Variants in BMP2K observed in about 807,000 individuals in gnomAD.
BMP2K encodes the protein BMP2 inducible kinase.
BMP2K carries 74 observed loss-of-function variants against 116.0 expected under a neutral mutation model. The observed-to-expected ratio is 0.64, with a 90% confidence interval of 0.53 to 0.77. The LOEUF (loss-of-function observed/expected upper bound fraction) is 0.77. Ranked by LOEUF, BMP2K falls within the 30% of genes least tolerant of loss-of-function variation. The pLI is 0.00. For synonymous variants in BMP2K, 486 were observed against 502.5 expected, an observed-to-expected ratio of 0.97 and a Z score of 0.44; for missense variants, 1,365 against 1,403.6, an observed-to-expected ratio of 0.97 and a Z score of 0.44.
rs111975966 is a variant in BMP2K at position 78,867,539 on chromosome 4, C to CG, written c.1231+1819_1231+1820insG. ...GTTCCGCTTTTTCCCCCAATAAGTG[C>CG]ATTTTTTTTTAACATTTCTTCACCC... On this transcript the variant is annotated intron_variant, in intron 10 of 15. Coordinates refer to ENST00000502613, the MANE Select transcript of BMP2K (RefSeq NM_198892.2). 1.3e-4 allele frequency among the ~76,000 whole-genome samples: 20 copies of CG among 151,632 alleles called. 1 individual carries two copies. Among genetic ancestry groups the CG allele is most frequent in the Admixed American group, 3.9e-4 (6 of 15,272 alleles).
In BMP2K at chr4:78,844,028, A is replaced by G. The variant is rs137936098; in HGVS notation, c.547-900A>G. 2.6e-3 allele frequency among the ~76,000 whole-genome samples: 395 copies of G among 152,042 alleles called. 1 individual carries two copies. Among genetic ancestry groups the G allele is most frequent in the Non-Finnish European group, 4.4e-3 (301 of 67,818 alleles). ...TATAGAAGAAAAGTTATAATAAAAC[A>G]GTATTTCGATAAAATGGAAATAAAT... On this transcript the variant is annotated intron_variant, in intron 4 of 15. Transcript: ENST00000502613.
chr4:78,828,718 T>C (rs990177402), intron 2 of BMP2K, among the ~76,000 whole-genome samples: 2 of 152,202 alleles, frequency 1.3e-5, no homozygotes, highest in Admixed American at 6.5e-5. Context: ...TACACTGTAG[T>C]CTATAAAATG....
At chr4:78,886,976 A>G (rs1733128230) in intron 14 of BMP2K, among the ~76,000 whole-genome samples, 198 bp from the exon 15 acceptor site, 1 of 152,152 alleles carries the variant, frequency 6.6e-6, no homozygotes, top group African/African-American at 2.4e-5. Flanking sequence ...ATATTGTTAA[A>G]TTTGCTTTTG....
At position 78,827,475 on chromosome 4, in the gene BMP2K, G is replaced by A. The variant is rs528219194; in HGVS notation, c.297+1320G>A. Among the ~76,000 whole-genome samples, 6 of 152,190 alleles carry A rather than the reference G, an allele frequency of 3.9e-5. No individual in the cohort carries two copies. The East Asian group carries it at 1.2e-3, about 29-fold the overall frequency. ...TTAGAACAGTTCTCACTGGCATTAC[G>A]TGCCTGTGAGGGTGCAAAAGGAACA... On this transcript the variant is annotated intron_variant, in intron 2 of 15. Transcript: ENST00000502613.
At chr4:78,850,113 C>CT (rs1412750497) in intron 6 of BMP2K, among the ~76,000 whole-genome samples, 1 of 151,588 alleles carries the variant, frequency 6.6e-6, no homozygotes, top group Non-Finnish European at 1.5e-5. Context: ...GGTGACACTT[C>CT]TTGGGAAAAA....
chr4:78,906,193 T>C (rs1734275036), intron 15 of BMP2K: 2 of 152,080 alleles, frequency 1.3e-5, no homozygotes, highest in Admixed American at 6.6e-5. Flanking sequence ...TAGTTTGTCT[T>C]AGTATGCTTT....
chr4:78,882,016 T>C (rs1732900067), intron 14 of BMP2K, among the ~76,000 whole-genome samples: 1 of 152,052 alleles, frequency 6.6e-6, no homozygotes, highest in African/African-American at 2.4e-5. Flanking sequence ...AGCCTTTATA[T>C]GGTCCTTAAA....
chr4:78,861,555 A>G, intron 9 of BMP2K, 87 bp downstream of exon 9: 2 of 1,029,566 alleles, frequency 1.9e-6, no homozygotes, highest in African/African-American at 1.6e-5. Flanking sequence ...TTGATTAAAT[A>G]TCATCTTCAT....
At chr4:78,872,945 G>C (rs1732444194) in intron 13 of BMP2K, 147 bp downstream of exon 13, 1 of 822,052 alleles carries the variant, frequency 1.2e-6, no homozygotes, top group Non-Finnish European at 1.8e-6. Flanking sequence ...CTGTCTTCTG[G>C]TCCCTTGGCA....
intron 1 of BMP2K, among the ~76,000 whole-genome samples, chr4:78,792,021 ACT>A (rs563055888): frequency 6.2e-4 from 94 of 152,264 alleles, no homozygotes; most frequent in African/African-American, 2.1e-3. Context: ...GAATTGCCGC[ACT>A]GTTGTTCACA....
At chr4:78,867,225 G>C (rs187219595) in intron 10 of BMP2K, among the ~76,000 whole-genome samples, 19 of 152,118 alleles carry the variant, frequency 1.2e-4, no homozygotes, top group Non-Finnish European at 2.5e-4. Context: ...GATATGTTTA[G>C]GTTTCTTAAT....
chr4:78,776,372 G>A lies in BMP2K; in HGVS notation c.-172G>A, dbSNP rs1293126060. 2.9e-5 allele frequency: 16 copies of A among 560,240 alleles called. No individual in the cohort carries two copies. The highest frequency in any genetic ancestry group is 7.3e-4 in the Middle Eastern group (1 of 1,372). 34.7% of individuals were successfully genotyped at this position (560,240 alleles called of 1,614,324 possible). ...GGCAGCTGCAGCGGAGCCGCGGAGCGGGCGGCGGGGCCCAGGCTGTGCGCT... is the reference window on the plus strand; with the variant it reads ...GGCAGCTGCAGCGGAGCCGCGGAGCAGGCGGCGGGGCCCAGGCTGTGCGCT... On this transcript the variant is annotated 5_prime_UTR_variant, in exon 1 of 16. Transcript: ENST00000502613.
chr4:78,868,456 C>T (rs1205800822), intron 10 of BMP2K, among the ~76,000 whole-genome samples: 2 of 152,116 alleles, frequency 1.3e-5, no homozygotes, highest in Non-Finnish European at 2.9e-5. Context: ...TCATTCTACC[C>T]CTGACCCCTC....
chr4:78,871,096 T>G, intron 11 of BMP2K, 36 bp downstream of exon 11: 1 of 1,590,320 alleles, frequency 6.3e-7, no homozygotes, highest in Non-Finnish European at 8.5e-7. Flanking sequence ...GGAAGTAGTG[T>G]GAAATTGATG....
chr4:78,819,760 C>T (rs1210715633), intron 1 of BMP2K, among the ~76,000 whole-genome samples: 2 of 152,130 alleles, frequency 1.3e-5, no homozygotes, highest in Non-Finnish European at 1.5e-5. Context: ...TTCCATCTTT[C>T]ATTGATTCAT....
Position 78,912,291 on chromosome 4 carries a change from G to A in BMP2K, c.*258G>A. 2.6e-6 allele frequency: 1 copy of A among 380,202 alleles called. No individual in the cohort carries two copies. The allele number at this position is 380,202 out of a possible 1,614,324, so 23.6% of individuals were successfully genotyped here. ...GCTACTGACATCACAACACAGAAATGCAAGTGTGGTACTTCCAGTGAAAGC... is the reference window on the plus strand; with the variant it reads ...GCTACTGACATCACAACACAGAAATACAAGTGTGGTACTTCCAGTGAAAGC... On this transcript the variant is annotated 3_prime_UTR_variant, in exon 16 of 16. Transcript: ENST00000502613.
At chr4:78,802,749 C>T (rs1457390273) in intron 1 of BMP2K, among the ~76,000 whole-genome samples, 1 of 152,124 alleles carries the variant, frequency 6.6e-6, no homozygotes, top group Non-Finnish European at 1.5e-5. Context: ...GTATACACAA[C>T]TCTGTTTTTG....
chr4:78,860,559 T>G (rs1412531896), intron 8 of BMP2K, among the ~76,000 whole-genome samples: 1 of 151,884 alleles, frequency 6.6e-6, no homozygotes, highest in Non-Finnish European at 1.5e-5. Flanking sequence ...TTCAATTTTA[T>G]TCACTGACTG....
intron 14 of BMP2K, among the ~76,000 whole-genome samples, chr4:78,880,235 G>A (rs1398568957): frequency 2.0e-5 from 3 of 152,190 alleles, no homozygotes; most frequent in African/African-American, 7.2e-5. Flanking sequence ...ACCACGCCCA[G>A]CGAATTTTGT....
Sources: allele counts gnomAD v4.1 joint callset (sites outside exome capture counted in the v4.1 genomes callset), GRCh38; gene constraint gnomAD v4.1.1; transcripts MANE v1.5; gene names NCBI Gene and HGNC (gene_info 2026-07-23, HGNC 2026-07-21).